PIP5K1B: variants seen among roughly 807,000 people sequenced by gnomAD.
The protein encoded by PIP5K1B is phosphatidylinositol 4-phosphate 5-kinase type-1 beta.
A neutral mutation model predicts 67.0 loss-of-function variants in PIP5K1B; 42 were observed. The observed-to-expected ratio is 0.63, with a 90% confidence interval of 0.49 to 0.81. PIP5K1B has a LOEUF of 0.81. PIP5K1B is among the 30% of genes least tolerant of loss of function. PIP5K1B has a pLI of 0.00. For missense variants in PIP5K1B, 459 were observed against 646.3 expected (o/e 0.71, Z 3.14); for synonymous variants, 214 against 231.4 (o/e 0.92, Z 0.68).
At chr9:68,864,257 A>G (rs1485761020) in intron 5 of PIP5K1B, among the ~76,000 whole-genome samples, 3 of 152,246 alleles carry the variant, frequency 2.0e-5, no homozygotes, top group Non-Finnish European at 4.4e-5. Context: ...TCAGTGGGAA[A>G]GAGTGCAGTA....
At chr9:68,771,489 T>C (rs1830668436) in intron 2 of PIP5K1B, among the ~76,000 whole-genome samples, 1 of 152,140 alleles carries the variant, frequency 6.6e-6, no homozygotes. Flanking sequence ...GAATAAGAGC[T>C]CAGCTTCTGA....
chr9:68,786,592 T>G (rs187367090), intron 2 of PIP5K1B, among the ~76,000 whole-genome samples: 1 of 152,214 alleles, frequency 6.6e-6, no homozygotes, highest in East Asian at 1.9e-4. Context: ...TAATCATTCC[T>G]TAAAACAGTA....
At chr9:68,824,438 C>A (rs1288563325) in intron 4 of PIP5K1B, 2 of 270,806 alleles carry the variant, frequency 7.4e-6, no homozygotes, top group South Asian at 6.9e-5. Context: ...TTTAACTCAG[C>A]AATGTTTTTT....
intron 6 of PIP5K1B, among the ~76,000 whole-genome samples, chr9:68,882,507 G>A (rs947004511): frequency 6.6e-6 from 1 of 152,116 alleles, no homozygotes; most frequent in Non-Finnish European, 1.5e-5. Flanking sequence ...TTCATATTAT[G>A]TCACTGCATT....
At chr9:68,936,867 T>C (rs1321269629) in intron 13 of PIP5K1B, among the ~76,000 whole-genome samples, 2 of 152,222 alleles carry the variant, frequency 1.3e-5, no homozygotes, top group African/African-American at 4.8e-5. Flanking sequence ...TGCAGGTGCC[T>C]GTAGTCTGGG....
intron 3 of PIP5K1B, among the ~76,000 whole-genome samples, chr9:68,821,962 A>G (rs563777964): frequency 1.3e-5 from 2 of 152,254 alleles, no homozygotes; most frequent in Non-Finnish European, 2.9e-5. Context: ...TCAGTGAAAA[A>G]TACTGGGTAA....
intron 13 of PIP5K1B, among the ~76,000 whole-genome samples, chr9:68,935,510 G>T (rs529236267): frequency 6.6e-6 from 1 of 152,120 alleles, no homozygotes. Flanking sequence ...GTAAGATGCA[G>T]TTCATGCACA....
chr9:68,916,470 T>C (rs1826097321), intron 8 of PIP5K1B, among the ~76,000 whole-genome samples: 1 of 152,192 alleles, frequency 6.6e-6, no homozygotes, highest in South Asian at 2.1e-4. Context: ...TTTAATTCCC[T>C]TGCCTCCCCA....
At position 68,940,748 on chromosome 9, in the gene PIP5K1B, A is replaced by G. The variant is rs1268295005; in HGVS notation, c.1460A>G (p.Asn487Ser). 1.2e-6 allele frequency: 2 copies of G among 1,613,958 alleles called. No homozygotes were observed. Among genetic ancestry groups the G allele is most frequent in the South Asian group, 1.1e-5 (1 of 91,074 alleles). ...ATTTCATCTTCTTCCTTATACGTCAATGAGCACTATCCACACGACAGGCCT... is the reference window on the plus strand; with the variant it reads ...ATTTCATCTTCTTCCTTATACGTCAGTGAGCACTATCCACACGACAGGCCT... ...TTISSSSLYV[N>S]EHYPHDRPTL... Residue 487 changes from asparagine to serine, a missense_variant, in exon 14 of 16, where the codon AAT becomes AGT. By Grantham distance (46) the Asn-to-Ser change is conservative (BLOSUM62 1). This residue lies in a region of PIP5K1B where 169 missense variants were observed against 171.9 expected (regional missense o/e 0.98). Transcript: ENST00000265382.
chr9:68,725,652 T>TCAGCATGGATGAGGAGAG (rs995205857), intron 1 of PIP5K1B, among the ~76,000 whole-genome samples: 2 of 152,128 alleles, frequency 1.3e-5, no homozygotes, highest in African/African-American at 2.4e-5. Flanking sequence ...AACATCACCT[T>TCAGCATGGATGAGGAGAG]CAGCATGGAT....
intron 2 of PIP5K1B, among the ~76,000 whole-genome samples, chr9:68,804,422 G>C (rs1209784642): frequency 2.6e-5 from 4 of 152,134 alleles, no homozygotes; most frequent in Non-Finnish European, 5.9e-5. Context: ...CGGGGAGGCA[G>C]GGGGCAGGTA....
At chr9:68,824,731 G>C (rs1375650060) in intron 4 of PIP5K1B, among the ~76,000 whole-genome samples, 1 of 152,192 alleles carries the variant, frequency 6.6e-6, no homozygotes, top group Non-Finnish European at 1.5e-5. Flanking sequence ...CTTAGAGAGA[G>C]TGTTGTTTTA....
At chr9:68,831,231 C>T (rs1050185474) in intron 4 of PIP5K1B, among the ~76,000 whole-genome samples, 4 of 152,116 alleles carry the variant, frequency 2.6e-5, no homozygotes, top group African/African-American at 9.7e-5. Context: ...TAACCAGAAG[C>T]CTACTAATTC....
At chr9:68,948,579 A>G in intron 14 of PIP5K1B, among the ~76,000 whole-genome samples, 1 of 151,854 alleles carries the variant, frequency 6.6e-6, no homozygotes, top group East Asian at 1.9e-4. Flanking sequence ...CAGGAGTTCC[A>G]GGTTTCAGTG....
rs71353097 is a variant in PIP5K1B, at chr9:68,989,094, CAAAAAAA to C, written c.1503-2026_1503-2020del. ...TGGCTGACAGAGCAAGACTCCGTCTCAAAAAAAAAAAAAAAAAAAAAAAAAATCCACA... is the reference window on the plus strand; with the variant it reads ...TGGCTGACAGAGCAAGACTCCGTCTCAAAAAAAAAAAAAAAAAAATCCACA... On this transcript the variant is annotated intron_variant, in intron 14 of 15. Transcript: ENST00000265382. Among the ~76,000 whole-genome samples the C allele has an allele frequency of 2.2e-3, 122 of 55,986 alleles. 1 individual carries two copies. Among genetic ancestry groups the C allele is most frequent in the African/African-American group, 9.0e-3 (114 of 12,694 alleles). 36.7% of individuals were successfully genotyped at this position (55,986 alleles called of 152,430 possible). A position where few individuals can be genotyped will look rare whatever the true frequency, so the allele number is the denominator to read the frequency against.
intron 2 of PIP5K1B, among the ~76,000 whole-genome samples, chr9:68,746,762 G>A (rs1829330407): frequency 6.6e-6 from 1 of 152,166 alleles, no homozygotes; most frequent in Non-Finnish European, 1.5e-5. Flanking sequence ...TCCAGAACCT[G>A]CCGAGGTAGC....
At chr9:68,707,376 G>T (rs761162724) in intron 1 of PIP5K1B, among the ~76,000 whole-genome samples, 6 of 152,128 alleles carry the variant, frequency 3.9e-5, no homozygotes, top group Non-Finnish European at 7.3e-5. Context: ...TCTGAGGGAG[G>T]CAGGGCAAAG....
intron 1 of PIP5K1B, chr9:68,739,752 T>C (rs878935077): frequency 6.6e-6 from 1 of 152,358 alleles, no homozygotes; most frequent in Admixed American, 6.5e-5. Flanking sequence ...TGCTCTGCTG[T>C]GCCTATGCAT....
intron 8 of PIP5K1B, among the ~76,000 whole-genome samples, 182 bp downstream of exon 8, chr9:68,894,820 G>A (rs1447698433): frequency 6.6e-6 from 1 of 152,248 alleles, no homozygotes; most frequent in South Asian, 2.1e-4. Context: ...TAGATGATAA[G>A]GGAGTTATCT....
Sources: gnomAD v4.1 joint callset for allele counts (sites outside exome capture counted in the v4.1 genomes callset) on GRCh38, gnomAD v4.1.1 for gene constraint, gnomAD v4.1.1 regional missense constraint, MANE v1.5 for transcripts, NCBI Gene and HGNC (gene_info 2026-07-23, HGNC 2026-07-21) for gene names.